Variants in IFT81 observed in about 807,000 individuals in gnomAD.
IFT81 encodes intraflagellar transport protein 81 homolog.
IFT81 carries 72 observed loss-of-function variants against 102.6 expected under a neutral mutation model. The ratio of observed to expected loss-of-function variants is 0.70; its 90% CI spans 0.58 to 0.85. The LOEUF (loss-of-function observed/expected upper bound fraction) is 0.85, where lower values mean the gene tolerates loss of function less well. Ranked by LOEUF, IFT81 falls within the 40% of genes least tolerant of loss-of-function variation. The probability of loss-of-function intolerance (pLI) is 0.00; values close to 1 mark genes in which losing one functional copy is unlikely to be tolerated. For synonymous variants in IFT81, 237 were observed against 242.7 expected (o/e 0.98, Z 0.22); for missense variants, 723 against 787.3 (o/e 0.92, Z 0.98).
At chr12:110,201,772 T>C (rs1301430790) in intron 14 of IFT81, among the ~76,000 whole-genome samples, 5 of 152,074 alleles carry the variant, frequency 3.3e-5, no homozygotes, top group African/African-American at 1.2e-4. Context: ...AACTTTTTTG[T>C]TAAAAACTAA....
rs796722854 is a variant in IFT81 at position 110,173,154 on chromosome 12, A to G, written c.1189-7268A>G. Reference sequence around the variant, plus strand: ...CCCCGCCCGGCCAGCCGCCCCGTCCAGGAGGGAGGTGGGGGGGTCAGCCCC... The same window carrying G: ...CCCCGCCCGGCCAGCCGCCCCGTCCGGGAGGGAGGTGGGGGGGTCAGCCCC... On this transcript the variant is annotated intron_variant, in intron 11 of 18. Transcript: ENST00000242591. Among the ~76,000 whole-genome samples, 1,012 of 111,664 alleles carry G rather than the reference A, an allele frequency of 9.1e-3. 1 individual carries two copies. The highest frequency in any genetic ancestry group is 0.011 in the Non-Finnish European group (611 of 54,738). The allele number at this position is 111,664 out of a possible 152,430, so 73.3% of individuals were successfully genotyped here. A position where few individuals can be genotyped will look rare whatever the true frequency, so the allele number is the denominator to read the frequency against.
Position 110,155,665 on chromosome 12 carries a change from T to C in IFT81, c.1042-7254T>C, listed in dbSNP as rs538707025. On this transcript the variant is annotated intron_variant, in intron 10 of 18. Transcript: ENST00000242591. ...CAATCACTGTCTTTTAATTAGATAA[T>C]CAATCTATTTATATTTAATTACTGA... is the stretch of plus-strand genomic sequence containing the variant. Among the ~76,000 whole-genome samples, 5 of 152,266 alleles carry C rather than the reference T, an allele frequency of 3.3e-5. No homozygotes were observed. The South Asian group carries it at 1.0e-3, about 32-fold the overall frequency.
chr12:110,157,075 C>A (rs1015446721), intron 10 of IFT81, among the ~76,000 whole-genome samples: 2 of 151,082 alleles, frequency 1.3e-5, no homozygotes, highest in Admixed American at 6.6e-5. Context: ...AGAGGCCAGA[C>A]ACGGTGGCTC....
At chr12:110,212,242 TA>T (rs11286720) in intron 18 of IFT81, among the ~76,000 whole-genome samples, 65,495 of 139,676 alleles carry the variant, frequency 0.47, 16,614 homozygotes, top group African/African-American at 0.71. Flanking sequence ...TTCCTTACTT[TA>T]AAAAAAAAAA....
chr12:110,193,038 C>G (rs1395180738), intron 14 of IFT81, among the ~76,000 whole-genome samples: 1 of 152,024 alleles, frequency 6.6e-6, no homozygotes, highest in Non-Finnish European at 1.5e-5. Flanking sequence ...TGGCATGCAC[C>G]TGTAGCCCCA....
Position 110,174,277 on chromosome 12 carries a change from CAAAAAAAAAAAAAAAAAAA to C in IFT81, c.1189-6133_1189-6115del, listed in dbSNP as rs61353726. On this transcript the variant is annotated intron_variant, in intron 11 of 18. Coordinates refer to ENST00000242591, the MANE Select transcript of IFT81 (RefSeq NM_014055.4). ...TGGGCGACAGAGCAAGACTCCGTCT[CAAAAAAAAAAAAAAAAAAA>C]AAAAAAAAAAATTAGCCGGGTGTGG... is the stretch of plus-strand genomic sequence containing the variant. Among the ~76,000 whole-genome samples, 24 of 35,280 alleles carry C rather than the reference CAAAAAAAAAAAAAAAAAAA, an allele frequency of 6.8e-4. No homozygotes were observed. In the East Asian group the frequency reaches 0.015, roughly 22 times the overall value. The allele number at this position is 35,280 out of a possible 152,430, so 23.1% of individuals were successfully genotyped here. A position where few individuals can be genotyped will look rare whatever the true frequency, so the allele number is the denominator to read the frequency against.
chr12:110,167,021 C>A (rs1322357992), intron 11 of IFT81, among the ~76,000 whole-genome samples: 1 of 152,018 alleles, frequency 6.6e-6, no homozygotes, highest in African/African-American at 2.4e-5. Flanking sequence ...TTTTAGAGGT[C>A]CATTAGCAGT....
At chr12:110,140,361 C>A (rs946942083) in intron 8 of IFT81, among the ~76,000 whole-genome samples, 3 of 152,174 alleles carry the variant, frequency 2.0e-5, no homozygotes, top group Non-Finnish European at 4.4e-5. Flanking sequence ...ACAAACCTAT[C>A]CATCACCCCA....
At chr12:110,137,985 A>T (rs1894617481) in intron 8 of IFT81, among the ~76,000 whole-genome samples, 1 of 152,234 alleles carries the variant, frequency 6.6e-6, no homozygotes, top group Non-Finnish European at 1.5e-5. Context: ...AACAGCCCAG[A>T]TTACACCACC....
intron 7 of IFT81, 88 bp downstream of exon 7, chr12:110,135,525 A>G: frequency 1.3e-6 from 1 of 771,574 alleles, no homozygotes; most frequent in Non-Finnish European, 2.1e-6. Context: ...TTAAAATTGT[A>G]GACGTTCACG....
At chr12:110,186,949 T>G (rs1897560554) in intron 12 of IFT81, among the ~76,000 whole-genome samples, 1 of 152,162 alleles carries the variant, frequency 6.6e-6, no homozygotes, top group African/African-American at 2.4e-5. Flanking sequence ...GTGTTTTTCT[T>G]TTTCTTTTTT....
intron 10 of IFT81, among the ~76,000 whole-genome samples, chr12:110,157,069 G>A (rs780809628): frequency 7.9e-5 from 12 of 151,756 alleles, no homozygotes; most frequent in Middle Eastern, 3.4e-3. Flanking sequence ...GGCCTTAGAG[G>A]CCAGACACGG....
intron 11 of IFT81, among the ~76,000 whole-genome samples, chr12:110,166,725 T>C (rs1849118481): frequency 6.6e-6 from 1 of 150,906 alleles, no homozygotes; most frequent in Non-Finnish European, 1.5e-5. Context: ...AATTTACCCA[T>C]TCCTATAGTG....
chr12:110,179,454 A>G (rs370362970), intron 11 of IFT81, among the ~76,000 whole-genome samples: 2 of 151,762 alleles, frequency 1.3e-5, no homozygotes, highest in Non-Finnish European at 2.9e-5. Flanking sequence ...AGGCACGGTG[A>G]CTCATGCCTG....
At chr12:110,145,042 T>TC (rs1202800975) in intron 9 of IFT81, among the ~76,000 whole-genome samples, 1 of 147,788 alleles carries the variant, frequency 6.8e-6, no homozygotes, top group Non-Finnish European at 1.5e-5. Context: ...TTTTTTTTTT[T>TC]TTTTTTTTTA....
At chr12:110,127,627 T>C in intron 2 of IFT81, 103 bp downstream of exon 2, 1 of 1,039,236 alleles carries the variant, frequency 9.6e-7, no homozygotes, top group Non-Finnish European at 1.3e-6. Context: ...TGAGCTTTAT[T>C]TTCCATGTCT....
At chr12:110,135,063 T>TGGG in intron 6 of IFT81, 50 bp downstream of exon 6, 3 of 1,355,838 alleles carry the variant, frequency 2.2e-6, no homozygotes, top group Non-Finnish European at 3.1e-6. Flanking sequence ...CCCAAGGACT[T>TGGG]GCAAAGATTT....
chr12:110,212,408 G>A (rs1039420430), intron 18 of IFT81, among the ~76,000 whole-genome samples: 1 of 151,848 alleles, frequency 6.6e-6, no homozygotes, highest in Non-Finnish European at 1.5e-5. Context: ...AGCCAGGCGT[G>A]GTGGCATGTG....
At chr12:110,164,881 C>T (rs1896350057) in intron 11 of IFT81, among the ~76,000 whole-genome samples, 1 of 152,124 alleles carries the variant, frequency 6.6e-6, no homozygotes, top group Non-Finnish European at 1.5e-5. Flanking sequence ...ACTATGCCAC[C>T]TCCTAGCATT....
Sources: gnomAD v4.1 joint callset for allele counts (sites outside exome capture counted in the v4.1 genomes callset) on GRCh38, gnomAD v4.1.1 for gene constraint, MANE v1.5 for transcripts, NCBI Gene and HGNC (gene_info 2026-07-23, HGNC 2026-07-21) for gene names.